RCAN1: variants seen among roughly 807,000 people sequenced by gnomAD.
RCAN1 encodes calcipressin-1.
In RCAN1, 11 loss-of-function variants were observed where a neutral mutation model predicts 22.9. The ratio of observed to expected loss-of-function variants is 0.48; its 90% CI spans 0.30 to 0.79. The LOEUF is 0.79. Among genes scored for constraint, RCAN1 ranks in the 30% least tolerant of loss-of-function variants. The pLI is 0.06. For synonymous variants in RCAN1, 136 were observed against 142.3 expected (o/e 0.96, Z 0.32); for missense variants, 291 against 337.8 (o/e 0.86, Z 1.09).
intron 1 of RCAN1, among the ~76,000 whole-genome samples, chr21:34,562,443 G>A (rs1208263703): frequency 2.0e-5 from 3 of 152,166 alleles, no homozygotes; most frequent in Non-Finnish European, 4.4e-5. Flanking sequence ...TGGGCAAGGG[G>A]AGCATGCACA....
At chr21:34,557,731 G>C (rs1429483981) in intron 1 of RCAN1, among the ~76,000 whole-genome samples, 5 of 152,178 alleles carry the variant, frequency 3.3e-5, no homozygotes, top group Non-Finnish European at 5.9e-5. Context: ...CACAAAAAAA[G>C]ATGATGCTGA....
At chr21:34,601,687 G>A (rs1005678805) in intron 1 of RCAN1, among the ~76,000 whole-genome samples, 2 of 151,956 alleles carry the variant, frequency 1.3e-5, no homozygotes, top group African/African-American at 4.8e-5. Context: ...GCGTGGTGGT[G>A]GGCGCCTGTA....
At chr21:34,602,368 C>T (rs1194165672) in intron 1 of RCAN1, among the ~76,000 whole-genome samples, 2 of 152,196 alleles carry the variant, frequency 1.3e-5, no homozygotes, top group Non-Finnish European at 2.9e-5. Flanking sequence ...TCTATACCCG[C>T]ACCCCATTTC....
chr21:34,548,737 C>T (rs1186429754), intron 1 of RCAN1, among the ~76,000 whole-genome samples: 2 of 152,182 alleles, frequency 1.3e-5, no homozygotes, highest in African/African-American at 4.8e-5. Context: ...CTGCTATTAA[C>T]TTCTACATCT....
At chr21:34,562,430 C>T (rs2123666124) in intron 1 of RCAN1, among the ~76,000 whole-genome samples, 1 of 152,276 alleles carries the variant, frequency 6.6e-6, no homozygotes, top group Non-Finnish European at 1.5e-5. Context: ...GTGACAAATG[C>T]TGTGGGCAAG....
chr21:34,525,664 A>AT (rs1363434392), intron 1 of RCAN1: 1 of 282,360 alleles, frequency 3.5e-6, no homozygotes, highest in Non-Finnish European at 6.5e-6. Flanking sequence ...GATTACTATG[A>AT]TGCCTTTCTC....
At chr21:34,612,937 A>C (rs1191713592) in intron 1 of RCAN1, among the ~76,000 whole-genome samples, 2 of 152,212 alleles carry the variant, frequency 1.3e-5, no homozygotes, top group Non-Finnish European at 2.9e-5. Context: ...TCCCTGTTTC[A>C]GTCTCTTCAT....
At chr21:34,575,321 C>T (rs1987377133) in intron 1 of RCAN1, among the ~76,000 whole-genome samples, 1 of 152,190 alleles carries the variant, frequency 6.6e-6, no homozygotes, top group Non-Finnish European at 1.5e-5. Flanking sequence ...GCATTTCCCA[C>T]TTCCCTCCTT....
intron 1 of RCAN1, among the ~76,000 whole-genome samples, chr21:34,606,515 T>C (rs1446146575): frequency 2.6e-5 from 4 of 152,186 alleles, no homozygotes; most frequent in Non-Finnish European, 4.4e-5. Flanking sequence ...TAGAAACTAT[T>C]TTATTATCTT....
At chr21:34,529,911 TG>T (rs2123599721) in intron 1 of RCAN1, among the ~76,000 whole-genome samples, 1 of 152,312 alleles carries the variant, frequency 6.6e-6, no homozygotes, top group Non-Finnish European at 1.5e-5. Context: ...CGAGATCTGA[TG>T]GGTTTATCAG....
intron 1 of RCAN1, among the ~76,000 whole-genome samples, chr21:34,533,020 G>A (rs981562597): frequency 7.3e-5 from 11 of 151,222 alleles, no homozygotes; most frequent in Admixed American, 1.3e-4. Flanking sequence ...GAGTGCAGTG[G>A]CACTATCTCG....
chr21:34,610,538 G>T (rs1324625032), intron 1 of RCAN1, among the ~76,000 whole-genome samples: 1 of 152,216 alleles, frequency 6.6e-6, no homozygotes, highest in Non-Finnish European at 1.5e-5. Context: ...CTAGCTAGAA[G>T]TGGAGCTTCA....
intron 3 of RCAN1, among the ~76,000 whole-genome samples, chr21:34,520,026 A>G (rs1404488489): frequency 2.6e-5 from 4 of 152,178 alleles, no homozygotes; most frequent in Admixed American, 2.0e-4. Flanking sequence ...CAAGTCTCTT[A>G]TCTACCTACT....
chr21:34,526,872 C>A, intron 1 of RCAN1: 8 of 1,458,736 alleles, frequency 5.5e-6, no homozygotes, highest in Non-Finnish European at 7.2e-6. Flanking sequence ...GGCCAGCCCC[C>A]ACTCCCTGGG....
At chr21:34,613,701 G>T (rs1988739401) in intron 1 of RCAN1, 25 of 1,401,452 alleles carry the variant, frequency 1.8e-5, no homozygotes, top group Non-Finnish European at 2.4e-5. Context: ...TAGAAAGCAT[G>T]CCTGGAAGCT....
rs552581721 is a variant in RCAN1 at position 34,523,675 on chromosome 21, C to T, written c.288G>A (p.Lys96=). ...TCTTAAAATACTGAAAGGTGATGTC[C>T]TTGTCATACGTCCTAAAGAGGGACT... The part of the protein sequence containing the change: ...KFESLFRTYD[K]DITFQYFKSF... Residue 96 remains lysine (K), a synonymous_variant, in exon 2 of 4, where the codon AAG becomes AAA. Transcript: ENST00000313806. The T allele has an allele frequency of 9.3e-6, 15 of 1,613,862 alleles. No individual in the cohort carries two copies. The highest frequency in any genetic ancestry group is 1.2e-5 in the Non-Finnish European group (14 of 1,180,012).
At position 34,516,503 on chromosome 21, in the gene RCAN1, T is replaced by G. The variant is rs887117219; in HGVS notation, c.*1581A>C. The stretch of plus-strand genomic sequence containing the variant: ...GACAACTTTTCTGTAAGGAGCATAC[T>G]GTGCCCATTTATTATAGAATGCAGT... On this transcript the variant is annotated 3_prime_UTR_variant, in exon 4 of 4. Coordinates refer to ENST00000313806, the MANE Select transcript of RCAN1 (RefSeq NM_004414.7). 1 of 152,226 alleles carries G rather than the reference T, an allele frequency of 6.6e-6. No homozygotes were observed. Among genetic ancestry groups the G allele is most frequent in the Non-Finnish European group, 1.5e-5 (1 of 68,036 alleles). The allele number at this position is 152,226 out of a possible 1,614,324, so 9.4% of individuals were successfully genotyped here.
intron 1 of RCAN1, among the ~76,000 whole-genome samples, chr21:34,530,631 T>TGTTG (rs766611950): frequency 4.0e-4 from 56 of 141,128 alleles, no homozygotes; most frequent in South Asian, 4.5e-4. Context: ...TTTTTTTTTT[T>TGTTG]TTTTTTTTTT....
intron 1 of RCAN1, among the ~76,000 whole-genome samples, chr21:34,563,790 T>G (rs182727065): frequency 0.022 from 1,820 of 83,830 alleles, 20 homozygotes; most frequent in African/African-American, 0.027. Flanking sequence ...TATATATATA[T>G]ATATAGAGAG....
Sources: gnomAD v4.1 joint callset for allele counts (sites outside exome capture counted in the v4.1 genomes callset) on GRCh38, gnomAD v4.1.1 for gene constraint, MANE v1.5 for transcripts, NCBI Gene and HGNC (gene_info 2026-07-23, HGNC 2026-07-21) for gene names.